The following HIC2 variants were observed in gnomAD, a reference collection of about 807,000 sequenced individuals.
The protein encoded by HIC2 is hypermethylated in cancer 2 protein.
HIC2 carries 2 observed loss-of-function variants against 39.5 expected under a neutral mutation model. That is an observed-to-expected ratio of 0.05 (90% CI 0.02 to 0.16). The LOEUF is 0.16. Among genes scored for constraint, HIC2 ranks in the 10% least tolerant of loss-of-function variants. The pLI is 1.00. For synonymous variants in HIC2, 399 were observed against 368.8 expected, an observed-to-expected ratio of 1.08 and a Z score of -0.94; for missense variants, 713 against 863.5, an observed-to-expected ratio of 0.83 and a Z score of 2.18.
At position 21,445,510 on chromosome 22, in the gene HIC2, C is replaced by T; in HGVS notation, c.615C>T (p.Gly205=). The T allele has an allele frequency of 6.3e-7, 1 of 1,596,420 alleles. No individual in the cohort carries two copies. The highest frequency in any genetic ancestry group is 1.1e-5 in the South Asian group (1 of 89,366). ...KGSDDELFLG[G]SNQDSVQGLG... ...CAGACGATGAACTCTTTCTTGGTGG[C>T]TCTAACCAGGATAGCGTGCAAGGTC... Residue 205 remains glycine (G), a synonymous_variant, in exon 3 of 3, where the codon GGC becomes GGT. Transcript: ENST00000407464.
intron 1 of HIC2, among the ~76,000 whole-genome samples, chr22:21,431,969 T>C (rs996992864): frequency 7.4e-6 from 1 of 135,674 alleles, no homozygotes; most frequent in African/African-American, 2.7e-5. Flanking sequence ...AGACCCTGTC[T>C]CCAAACAATC....
In HIC2 at chr22:21,449,690, G is replaced by A. The variant is rs1924059250; in HGVS notation, c.*2947G>A. The stretch of plus-strand genomic sequence containing the variant: ...TAGCCCTGGGGCTGGGGGAGGGATT[G>A]GAAGCCTCCCTGGAGTCACCTGAGC... On this transcript the variant is annotated 3_prime_UTR_variant, in exon 3 of 3. Coordinates refer to ENST00000407464, the MANE Select transcript of HIC2 (RefSeq NM_015094.3). 1 of 152,730 alleles carries A rather than the reference G, an allele frequency of 6.5e-6. No individual in the cohort carries two copies. The highest frequency in any genetic ancestry group is 1.5e-5 in the Non-Finnish European group (1 of 68,070). The allele number at this position is 152,730 out of a possible 1,614,324, so 9.5% of individuals were successfully genotyped here.
At chr22:21,444,517 C>A (rs1923693153) in intron 2 of HIC2, among the ~76,000 whole-genome samples, 1 of 152,216 alleles carries the variant, frequency 6.6e-6, no homozygotes, top group East Asian at 1.9e-4. Flanking sequence ...GAGTCCTCTG[C>A]TTCCCGAAGT....
chr22:21,443,791 T>G (rs1923651302), intron 2 of HIC2, among the ~76,000 whole-genome samples: 1 of 152,106 alleles, frequency 6.6e-6, no homozygotes, highest in Admixed American at 6.5e-5. Context: ...AGTACTGCGT[T>G]TTGTACTGGG....
intron 2 of HIC2, among the ~76,000 whole-genome samples, chr22:21,443,775 G>A (rs1406469318): frequency 6.6e-6 from 1 of 152,224 alleles, no homozygotes; most frequent in East Asian, 1.9e-4. Context: ...AGAGGATGGA[G>A]CTGGGAGTAC....
chr22:21,437,963 TCTC>T (rs1437269810), intron 1 of HIC2, among the ~76,000 whole-genome samples: 2 of 138,246 alleles, frequency 1.4e-5, no homozygotes, highest in Non-Finnish European at 1.6e-5. Flanking sequence ...GGGGGGAGCT[TCTC>T]CTCAGTCCTC....
rs769687707 is a variant in HIC2, at chr22:21,446,063, G to A, written c.1168G>A (p.Glu390Lys). The change falls in exon 3 of 3, where the codon GAG (glutamate) becomes AAG (lysine). Residue 390 changes from glutamate (E) to lysine (K), a missense_variant. By Grantham distance (56) the Glu-to-Lys change is moderately conservative. Around this residue, in one of 5 missense-constraint regions of HIC2, gnomAD observed 457 missense variants for 420.2 expected, o/e 1.09. Transcript: ENST00000407464. The part of the protein sequence containing the change: ...SGAGPSGPYG[E>K]PPYPCKEEEE... ...GGCTGGCCCTAGCGGGCCCTATGGG[G>A]AGCCCCCCTACCCCTGCAAGGAGGA... 4 of 1,606,774 alleles carry A rather than the reference G, an allele frequency of 2.5e-6. No individual in the cohort carries two copies. Among genetic ancestry groups the A allele is most frequent in the East Asian group, 4.5e-5 (2 of 44,834 alleles).
chr22:21,447,072 A>G lies in HIC2; in HGVS notation c.*329A>G, dbSNP rs1011118423. ...CCTTTGTTGCAGGCGGCTTGGAGAA[A>G]GGGCAGTGGGACGCTGGCCACGGCC... On this transcript the variant is annotated 3_prime_UTR_variant, in exon 3 of 3. Transcript: ENST00000407464. 35 of 318,762 alleles carry G rather than the reference A, an allele frequency of 1.1e-4. No homozygotes were observed. Among genetic ancestry groups the G allele is most frequent in the Non-Finnish European group, 2.0e-4 (35 of 171,170 alleles). 19.7% of individuals were successfully genotyped at this position (318,762 alleles called of 1,614,324 possible). A position where few individuals can be genotyped will look rare whatever the true frequency, so the allele number is the denominator to read the frequency against.
At position 21,446,813 on chromosome 22, in the gene HIC2, A is replaced by C; in HGVS notation, c.*70A>C. ...AACCCATGGAAGGAGAAGCGAGGTG[A>C]TGCAGCAGCAGGGGCAAGACCCTGG... On this transcript the variant is annotated 3_prime_UTR_variant, in exon 3 of 3. Coordinates refer to ENST00000407464, the MANE Select transcript of HIC2 (RefSeq NM_015094.3). 6.5e-7 allele frequency: 1 copy of C among 1,537,894 alleles called. No homozygotes were observed. The highest frequency in any genetic ancestry group is 8.7e-7 in the Non-Finnish European group (1 of 1,143,162).
At position 21,445,807 on chromosome 22, in the gene HIC2, G is replaced by T; in HGVS notation, c.912G>T (p.Glu304Asp). ...SYSELGGTPDEPMDLEGAEDN... is the reference protein window; with the variant it reads ...SYSELGGTPDDPMDLEGAEDN... ...CTGAGCTGGGGGGCACCCCTGATGA[G>T]CCCATGGATCTGGAGGGGGCCGAGG... The change falls in exon 3 of 3, where the codon GAG (glutamate) becomes GAT (aspartate). Residue 304 changes from glutamate to aspartate, a missense_variant. Around this residue, in one of 5 missense-constraint regions of HIC2, gnomAD observed 457 missense variants for 420.2 expected, o/e 1.09. Coordinates refer to ENST00000407464, the MANE Select transcript of HIC2 (RefSeq NM_015094.3). 6.3e-7 allele frequency: 1 copy of T among 1,593,968 alleles called. No individual in the cohort carries two copies. Among genetic ancestry groups the T allele is most frequent in the Non-Finnish European group, 8.5e-7 (1 of 1,169,992 alleles).
rs1156971969 is a variant in HIC2 at position 21,450,616 on chromosome 22, G to T, written c.*3873G>T. The stretch of plus-strand genomic sequence containing the variant: ...TGGGGGACAAAAGCCAAAGGTGCCA[G>T]GCCTTAGAGCAGACAAGGGCTCTCA... On this transcript the variant is annotated 3_prime_UTR_variant, in exon 3 of 3. Coordinates refer to ENST00000407464, the MANE Select transcript of HIC2 (RefSeq NM_015094.3). 3 of 152,906 alleles carry T rather than the reference G, an allele frequency of 2.0e-5. No homozygotes were observed. The highest frequency in any genetic ancestry group is 1.3e-4 in the Admixed American group (2 of 15,286). 9.5% of individuals were successfully genotyped at this position (152,906 alleles called of 1,614,324 possible). A position where few individuals can be genotyped will look rare whatever the true frequency, so the allele number is the denominator to read the frequency against.
chr22:21,431,666 T>C (rs1316634870), intron 1 of HIC2, among the ~76,000 whole-genome samples: 69 of 16,046 alleles, frequency 4.3e-3, no homozygotes, highest in African/African-American at 0.012. Flanking sequence ...CCATAGCAGT[T>C]GCCCAATTTT....
Position 21,445,654 on chromosome 22 carries a change from C to G in HIC2, c.759C>G (p.Ser253Arg). 1 of 1,600,568 alleles carries G rather than the reference C, an allele frequency of 6.2e-7. No individual in the cohort carries two copies. ...TGGGCTTGGACCTGTCCAAGAAAAG[C>G]CCACCCTTGCCCCCTGCCACCCCAG... ...QELGLDLSKK[S>R]PPLPPATPGP... Residue 253 changes from serine to arginine, a missense_variant, in exon 3 of 3, where the codon AGC becomes AGG. Ser to Arg is a moderately radical substitution (Grantham distance 110). Transcript: ENST00000407464.
At chr22:21,432,590 C>A (rs1252634714) in intron 1 of HIC2, among the ~76,000 whole-genome samples, 3 of 111,266 alleles carry the variant, frequency 2.7e-5, no homozygotes, top group Admixed American at 1.8e-4. Flanking sequence ...GCAGGACAGT[C>A]GCTTGAACCC....
In HIC2 at chr22:21,451,038, C is replaced by T. The variant is rs1924161029; in HGVS notation, c.*4295C>T. 6.5e-6 allele frequency: 1 copy of T among 152,752 alleles called. No homozygotes were observed. Among genetic ancestry groups the T allele is most frequent in the South Asian group, 2.1e-4 (1 of 4,836 alleles). 9.5% of individuals were successfully genotyped at this position (152,752 alleles called of 1,614,324 possible). A position where few individuals can be genotyped will look rare whatever the true frequency, so the allele number is the denominator to read the frequency against. On this transcript the variant is annotated 3_prime_UTR_variant, in exon 3 of 3. Coordinates refer to ENST00000407464, the MANE Select transcript of HIC2 (RefSeq NM_015094.3). Reference sequence around the variant, plus strand: ...TGGGGCCAGGTGCTGAGGGGAGCCTCTCTACCCCACCCATCACTAGCTTCC... The same window carrying T: ...TGGGGCCAGGTGCTGAGGGGAGCCTTTCTACCCCACCCATCACTAGCTTCC...
At chr22:21,443,975 T>A (rs902847197) in intron 2 of HIC2, among the ~76,000 whole-genome samples, 1 of 152,240 alleles carries the variant, frequency 6.6e-6, no homozygotes, top group Non-Finnish European at 1.5e-5. Context: ...GTACTCCCAC[T>A]GTGGGGTGCC....
intron 1 of HIC2, among the ~76,000 whole-genome samples, chr22:21,418,128 G>T (rs1274236533): frequency 1.0e-3 from 122 of 117,434 alleles, no homozygotes; most frequent in Non-Finnish European, 9.4e-4. Context: ...CTCCCAGAGG[G>T]CCGGGCTCTG....
At position 21,445,061 on chromosome 22, in the gene HIC2, A is replaced by G; in HGVS notation, c.166A>G (p.Ile56Val). Residue 56 changes from isoleucine to valine, a missense_variant, in exon 3 of 3, where the codon ATC (isoleucine) becomes GTC (valine). Physicochemically the swap from Ile to Val is conservative, Grantham distance 29. Transcript: ENST00000407464. Reference protein sequence around the residue: ...CDVIIMVENSIFRAHKNVLAA... With the variant: ...CDVIIMVENSVFRAHKNVLAA... ...CGTCATCATCATGGTGGAGAACTCC[A>G]TCTTCCGGGCCCACAAGAACGTCCT... 2 of 1,614,172 alleles carry G rather than the reference A, an allele frequency of 1.2e-6. No individual in the cohort carries two copies. The highest frequency in any genetic ancestry group is 1.7e-6 in the Non-Finnish European group (2 of 1,180,032).
chr22:21,445,581 G>T lies in HIC2; in HGVS notation c.686G>T (p.Gly229Val), dbSNP rs200309943. Reference sequence around the variant, plus strand: ...GCTGGCGGGGAGGCGGGTCTGGGGGGCTGCAGCAGCAGCACCAACGGGAGC... The same window carrying T: ...GCTGGCGGGGAGGCGGGTCTGGGGGTCTGCAGCAGCAGCACCAACGGGAGC... The part of the protein sequence containing the change: ...CPAGGEAGLG[G>V]CSSSTNGSSG... The change falls in exon 3 of 3, where the codon GGC becomes GTC. Residue 229 changes from glycine (G) to valine (V), a missense_variant. Around this residue, in one of 5 missense-constraint regions of HIC2, gnomAD observed 457 missense variants for 420.2 expected, o/e 1.09. Coordinates refer to ENST00000407464, the MANE Select transcript of HIC2 (RefSeq NM_015094.3). The T allele has an allele frequency of 6.0e-5, 96 of 1,586,926 alleles. No homozygotes were observed. The highest frequency in any genetic ancestry group is 9.1e-5 in the Admixed American group (5 of 54,976).
Sources: allele counts gnomAD v4.1 joint callset (sites outside exome capture counted in the v4.1 genomes callset), GRCh38; gene constraint gnomAD v4.1.1; regional missense constraint gnomAD v4.1.1; transcripts MANE v1.5; gene names NCBI Gene and HGNC (gene_info 2026-07-23, HGNC 2026-07-21).